Variants in LTBP1 observed in about 807,000 individuals in gnomAD.
The protein encoded by LTBP1 is latent transforming growth factor beta binding protein 1.
Under a neutral mutation model 207.6 loss-of-function variants are expected in LTBP1, and 129 were observed. That is an observed-to-expected ratio of 0.62 (90% CI 0.54 to 0.72). LTBP1 has a LOEUF of 0.72. Among genes scored for constraint, LTBP1 ranks in the 30% least tolerant of loss-of-function variants. The pLI, the probability that LTBP1 is intolerant of heterozygous loss-of-function variation, is 0.00. For synonymous variants in LTBP1, 963 were observed against 833.7 expected (o/e 1.16, Z -2.67); for missense variants, 2,281 against 2,217.2 (o/e 1.03, Z -0.58).
chr2:33,082,649 TCTC>T (rs1264340542), intron 3 of LTBP1, among the ~76,000 whole-genome samples: 5 of 151,892 alleles, frequency 3.3e-5, no homozygotes, highest in African/African-American at 9.7e-5. Flanking sequence ...ATGGTCTCAA[TCTC>T]CTGACCTCGT....
At chr2:32,961,461 T>C (rs995394627) in intron 2 of LTBP1, among the ~76,000 whole-genome samples, 19 of 152,246 alleles carry the variant, frequency 1.2e-4, no homozygotes, top group Admixed American at 9.8e-4. Context: ...ATTTTGATGA[T>C]CATAGAAAAT....
At chr2:33,351,254 A>T (rs1039832490) in intron 26 of LTBP1, among the ~76,000 whole-genome samples, 2 of 152,170 alleles carry the variant, frequency 1.3e-5, no homozygotes, top group African/African-American at 2.4e-5. Context: ...TTTTATTTAT[A>T]GGTAAAGACA....
At chr2:33,227,557 C>G (rs1001480983) in intron 9 of LTBP1, among the ~76,000 whole-genome samples, 3 of 152,086 alleles carry the variant, frequency 2.0e-5, no homozygotes, top group African/African-American at 2.4e-5. Context: ...ATGCCACACC[C>G]TTAGTGAAAA....
intron 2 of LTBP1, among the ~76,000 whole-genome samples, chr2:32,975,725 T>C (rs1378111240): frequency 6.6e-6 from 1 of 151,810 alleles, no homozygotes; most frequent in East Asian, 1.9e-4. Flanking sequence ...GTGAAATTCT[T>C]GTTGTGAGTT....
In LTBP1 at chr2:33,244,860, T is replaced by TTATCTATCTATC. The variant is rs71409605; in HGVS notation, c.1999+1092_1999+1103dup. On this transcript the variant is annotated intron_variant, in intron 10 of 33. Transcript: ENST00000404816. Reference sequence around the variant, plus strand: ...GTTTCTTTCCTGCAAGTTTTTGTTTTTATCTATCTATCTATCTATCTATCT... The same window carrying TTATCTATCTATC: ...GTTTCTTTCCTGCAAGTTTTTGTTTTTATCTATCTATCTATCTATCTATCTATCTATCTATCT... Among the ~76,000 whole-genome samples, 312 of 150,966 alleles carry TTATCTATCTATC rather than the reference T, an allele frequency of 2.1e-3. 1 individual carries two copies. The highest frequency in any genetic ancestry group is 3.9e-3 in the African/African-American group (160 of 41,098).
At chr2:32,993,806 A>G (rs80057580) in intron 2 of LTBP1, among the ~76,000 whole-genome samples, 121 of 152,292 alleles carry the variant, frequency 7.9e-4, no homozygotes, top group African/African-American at 2.8e-3. Context: ...GGCCTAGGCC[A>G]TTGGAACCAG....
rs559326782 is a variant in LTBP1 at position 33,021,150 on chromosome 2, G to A, written c.807G>A (p.Met269Ile). ...TLPRVSPVAQ[M>I]TLTLKPKPSV... is the part of the protein sequence containing the mutation. ...CAAGAGTCAGCCCTGTGGCCCAGATGACCTTAACCCTCAAGCCGAAGCCTT... is the reference window on the plus strand; with the variant it reads ...CAAGAGTCAGCCCTGTGGCCCAGATAACCTTAACCCTCAAGCCGAAGCCTT... Residue 269 changes from methionine to isoleucine, a missense_variant, in exon 3 of 34, where the codon ATG (methionine) becomes ATA (isoleucine). Coordinates refer to ENST00000404816, the MANE Select transcript of LTBP1 (RefSeq NM_206943.4). 1 of 1,613,438 alleles carries A rather than the reference G, an allele frequency of 6.2e-7. No homozygotes were observed. Among genetic ancestry groups the A allele is most frequent in the South Asian group, 1.1e-5 (1 of 90,854 alleles).
chr2:33,343,304 G>C (rs2094655287), intron 25 of LTBP1, among the ~76,000 whole-genome samples: 1 of 151,648 alleles, frequency 6.6e-6, no homozygotes, highest in African/African-American at 2.4e-5. Flanking sequence ...CCAACTACTT[G>C]GGAGGCCGAG....
chr2:33,046,375 G>A (rs2076444575), intron 3 of LTBP1, among the ~76,000 whole-genome samples: 1 of 152,190 alleles, frequency 6.6e-6, no homozygotes, highest in Admixed American at 6.5e-5. Flanking sequence ...AGATAATTAT[G>A]TGGTTTTTGT....
chr2:32,947,066 C>A lies in LTBP1; in HGVS notation c.-259C>A, dbSNP rs927799177. 7 of 296,832 alleles carry A rather than the reference C, an allele frequency of 2.4e-5. No homozygotes were observed. Among genetic ancestry groups the A allele is most frequent in the African/African-American group, 1.5e-4 (7 of 45,432 alleles). The allele number at this position is 296,832 out of a possible 1,614,324, so 18.4% of individuals were successfully genotyped here. ...ACCCTCACCTTGCGCGGCCCGCTCC[C>A]CTCGCCCCTCCCCGCTCCCCGGGCT... On this transcript the variant is annotated 5_prime_UTR_variant, in exon 1 of 34. Coordinates refer to ENST00000404816, the MANE Select transcript of LTBP1 (RefSeq NM_206943.4).
At chr2:33,063,723 A>G (rs2077371996) in intron 3 of LTBP1, among the ~76,000 whole-genome samples, 1 of 152,148 alleles carries the variant, frequency 6.6e-6, no homozygotes, top group Non-Finnish European at 1.5e-5. Flanking sequence ...GGGACAATTG[A>G]TGCCTTAACA....
intron 5 of LTBP1, among the ~76,000 whole-genome samples, chr2:33,147,584 C>T (rs1260340444): frequency 6.6e-6 from 1 of 152,204 alleles, no homozygotes; most frequent in South Asian, 2.1e-4. Context: ...AGAGACTCAA[C>T]CATATCATCA....
chr2:32,959,569 G>GTGCGTA (rs1553344534), intron 2 of LTBP1, among the ~76,000 whole-genome samples: 7 of 138,188 alleles, frequency 5.1e-5, no homozygotes, highest in Middle Eastern at 4.0e-3. Flanking sequence ...GTGTGTGTGT[G>GTGCGTA]TGTATGTATA....
intron 2 of LTBP1, among the ~76,000 whole-genome samples, chr2:32,987,530 A>G (rs1683777953): frequency 6.6e-6 from 1 of 152,106 alleles, no homozygotes; most frequent in East Asian, 1.9e-4. Context: ...CTCTGGAGCC[A>G]TTTCCCTGCC....
chr2:33,117,694 C>T (rs2080833502), intron 4 of LTBP1, among the ~76,000 whole-genome samples: 1 of 152,176 alleles, frequency 6.6e-6, no homozygotes, highest in Non-Finnish European at 1.5e-5. Context: ...ACAGAATGCT[C>T]ATGGGAGGTG....
chr2:33,169,301 C>G (rs1390850015), intron 5 of LTBP1, among the ~76,000 whole-genome samples: 2 of 152,196 alleles, frequency 1.3e-5, no homozygotes, highest in Non-Finnish European at 2.9e-5. Flanking sequence ...CCCGAAACTG[C>G]CACATTATAT....
chr2:33,171,529 G>A (rs2085453253), intron 5 of LTBP1, among the ~76,000 whole-genome samples: 3 of 151,248 alleles, frequency 2.0e-5, no homozygotes. Context: ...ATCTACGTCT[G>A]ATTGGTGTAC....
intron 3 of LTBP1, among the ~76,000 whole-genome samples, chr2:33,089,144 AGACTCAGTCTC>A: frequency 7.1e-6 from 1 of 140,058 alleles, no homozygotes. Flanking sequence ...TGATAGAGTA[AGACTCAGTCTC>A]AAAAAAAAAA....
intron 2 of LTBP1, among the ~76,000 whole-genome samples, chr2:32,963,692 T>C (rs1324618070): frequency 6.6e-6 from 1 of 152,180 alleles, no homozygotes; most frequent in Non-Finnish European, 1.5e-5. Context: ...CAAAGCCACA[T>C]TTATCAAGGT....
Sources: allele counts gnomAD v4.1 joint callset (sites outside exome capture counted in the v4.1 genomes callset), GRCh38; gene constraint gnomAD v4.1.1; transcripts MANE v1.5; gene names NCBI Gene and HGNC (gene_info 2026-07-23, HGNC 2026-07-21).